The following XKR9 variants were observed in gnomAD, a reference collection of about 807,000 sequenced individuals.
The protein encoded by XKR9 is XK-related protein 9.
A neutral mutation model predicts 32.0 loss-of-function variants in XKR9; 32 were observed. That is an observed-to-expected ratio of 1.00 (90% confidence interval 0.76 to 1.34). The LOEUF is 1.34. Among genes scored for constraint, XKR9 ranks in the 40% most tolerant of loss-of-function variants. The pLI is 0.00. For synonymous variants in XKR9, 168 were observed against 143.4 expected (o/e 1.17, Z -1.22); for missense variants, 546 against 429.7 (o/e 1.27, Z -2.39).
At chr8:70,872,485 T>C in the XKR9 span, among the ~76,000 whole-genome samples, 2 of 152,232 alleles carry the variant, frequency 1.3e-5, no homozygotes. Context: ...TCAGAAGATT[T>C]AGCTAAGATC....
intron 3 of XKR9, among the ~76,000 whole-genome samples, chr8:70,699,322 G>A (rs189387908): frequency 8.4e-4 from 128 of 152,186 alleles, no homozygotes; most frequent in African/African-American, 2.0e-3. Context: ...GGCTGGTACC[G>A]GTTGTTCCTT....
In XKR9 at chr8:70,734,093, G is replaced by C; in HGVS notation, c.791G>C (p.Arg264Thr). The C allele has an allele frequency of 6.2e-7, 1 of 1,612,178 alleles. No homozygotes were observed. The highest frequency in any genetic ancestry group is 1.7e-4 in the Middle Eastern group (1 of 6,052). ...TGTATAAGTATGGAATTCTTATATAGGATTGTTGTTGGATTCATTCTTATC... is the reference window on the plus strand; with the variant it reads ...TGTATAAGTATGGAATTCTTATATACGATTGTTGTTGGATTCATTCTTATC... ...CTCISMEFLY[R>T]IVVGFILIFT... Residue 264 changes from arginine to threonine, a missense_variant, in exon 5 of 5, where the codon AGG (arginine) becomes ACG (threonine). By Grantham distance (71) the Arg-to-Thr change is moderately conservative (BLOSUM62 -1). Coordinates refer to ENST00000408926, the MANE Select transcript of XKR9 (RefSeq NM_001011720.2).
chr8:70,862,090 G>C, the XKR9 span, among the ~76,000 whole-genome samples: 1 of 152,168 alleles, frequency 6.6e-6, no homozygotes, highest in Non-Finnish European at 1.5e-5. Context: ...ATTTATTGGA[G>C]GATGTCTGGA....
At chr8:70,851,285 A>C in the XKR9 span, among the ~76,000 whole-genome samples, 1 of 152,230 alleles carries the variant, frequency 6.6e-6, no homozygotes, top group Non-Finnish European at 1.5e-5. Context: ...ATAAGAGAGC[A>C]CACAAACAAA....
chr8:70,856,289 C>G, the XKR9 span, among the ~76,000 whole-genome samples: 1 of 152,108 alleles, frequency 6.6e-6, no homozygotes, highest in African/African-American at 2.4e-5. Flanking sequence ...GAAGATCTAC[C>G]AAGCAAATGG....
chr8:70,874,969 T>G, the XKR9 span, among the ~76,000 whole-genome samples: 1 of 152,302 alleles, frequency 6.6e-6, no homozygotes, highest in South Asian at 2.1e-4. Flanking sequence ...ATGCTCGTCC[T>G]TGGAACTAGT....
At chr8:70,826,617 C>G in the XKR9 span, among the ~76,000 whole-genome samples, 2 of 152,082 alleles carry the variant, frequency 1.3e-5, no homozygotes, top group African/African-American at 2.4e-5. Flanking sequence ...GGCTGGGTGA[C>G]TTTTCAGACT....
chr8:70,717,056 A>G (rs1806117026), intron 4 of XKR9, among the ~76,000 whole-genome samples: 1 of 152,202 alleles, frequency 6.6e-6, no homozygotes, highest in Non-Finnish European at 1.5e-5. Flanking sequence ...CATGTCTCAC[A>G]TTCAGGTAAT....
chr8:70,838,185 ATT>A, the XKR9 span, among the ~76,000 whole-genome samples: 4 of 152,116 alleles, frequency 2.6e-5, no homozygotes, highest in African/African-American at 7.2e-5. Flanking sequence ...ATGATAACAG[ATT>A]TACTAAGTCC....
the XKR9 span, among the ~76,000 whole-genome samples, chr8:70,897,806 C>G: frequency 6.6e-6 from 1 of 152,154 alleles, no homozygotes; most frequent in African/African-American, 2.4e-5. Flanking sequence ...AATATTTTCT[C>G]CCATTCCGTG....
chr8:70,753,469 G>A (rs1807171960), intron 2 of XKR9, among the ~76,000 whole-genome samples: 1 of 152,124 alleles, frequency 6.6e-6, no homozygotes, highest in Non-Finnish European at 1.5e-5. Flanking sequence ...CCAAAAAAGA[G>A]AATTTTAGAC....
chr8:70,730,371 G>A (rs1056954743), intron 4 of XKR9, among the ~76,000 whole-genome samples: 3 of 151,944 alleles, frequency 2.0e-5, no homozygotes, highest in African/African-American at 7.2e-5. Context: ...AACCTTTTTA[G>A]AACCCTTTAC....
At chr8:71,031,715 A>C in the XKR9 span, among the ~76,000 whole-genome samples, 1 of 152,236 alleles carries the variant, frequency 6.6e-6, no homozygotes, top group Non-Finnish European at 1.5e-5. Flanking sequence ...TGTTTTTTCA[A>C]TCTGAGTAAA....
At chr8:70,864,707 G>C in the XKR9 span, among the ~76,000 whole-genome samples, 3 of 152,100 alleles carry the variant, frequency 2.0e-5, no homozygotes, top group Non-Finnish European at 4.4e-5. Flanking sequence ...CAAAAGTGAA[G>C]CATATCATTT....
chr8:70,741,870 A>G lies in XKR9; in HGVS notation n.352+34717A>G, dbSNP rs1198414892. 2.0e-5 allele frequency among the ~76,000 whole-genome samples: 3 copies of G among 152,178 alleles called. No individual in the cohort carries two copies. The South Asian group carries it at 6.2e-4, about 32-fold the overall frequency. On this transcript the variant is annotated intron_variant and non_coding_transcript_variant, in intron 2 of 3. Coordinates refer to the XKR9 transcript ENST00000520273. ...GGTGGTTATTTTGAGGAACCTTTATACTGTTTCCATAATGGCTGCACTATT... is the reference window on the plus strand; with the variant it reads ...GGTGGTTATTTTGAGGAACCTTTATGCTGTTTCCATAATGGCTGCACTATT...
intron 2 of XKR9, among the ~76,000 whole-genome samples, chr8:70,752,246 T>A (rs1243461639): frequency 1.3e-5 from 2 of 152,200 alleles, no homozygotes; most frequent in African/African-American, 4.8e-5. Flanking sequence ...AACACAACAT[T>A]TAAAAATTTC....
At chr8:70,900,936 G>T in the XKR9 span, among the ~76,000 whole-genome samples, 465 of 152,168 alleles carry the variant, frequency 3.1e-3, 3 homozygotes, top group African/African-American at 0.011. Flanking sequence ...GCTATAGTTT[G>T]CTGAGAATGA....
chr8:70,928,312 TG>T, the XKR9 span, among the ~76,000 whole-genome samples: 15 of 152,282 alleles, frequency 9.9e-5, no homozygotes, highest in South Asian at 6.2e-4. Flanking sequence ...TCCAAGGCAC[TG>T]GGATTACAGG....
chr8:70,854,623 C>T, the XKR9 span, among the ~76,000 whole-genome samples: 44 of 152,032 alleles, frequency 2.9e-4, no homozygotes, highest in Admixed American at 6.5e-5. Context: ...ATGGTATTGC[C>T]CAGGTTTTCT....
Sources: gnomAD v4.1 joint callset for allele counts (sites outside exome capture counted in the v4.1 genomes callset) on GRCh38, gnomAD v4.1.1 for gene constraint, MANE v1.5 for transcripts, NCBI Gene and HGNC (gene_info 2026-07-23, HGNC 2026-07-21) for gene names.